PLEKHA6: variants seen among roughly 807,000 people sequenced by gnomAD.
PLEKHA6 encodes pleckstrin homology domain containing A6.
In PLEKHA6, 60 loss-of-function variants were observed where a neutral mutation model predicts 116.7. The ratio of observed to expected loss-of-function variants is 0.51; its 90% CI spans 0.42 to 0.64. The LOEUF (loss-of-function observed/expected upper bound fraction) is 0.64, where lower values mean the gene tolerates loss of function less well. PLEKHA6 is among the 30% of genes least tolerant of loss of function. PLEKHA6 has a pLI of 0.00. For missense variants in PLEKHA6, 1,338 were observed against 1,422.7 expected, an observed-to-expected ratio of 0.94 and a Z score of 0.96; for synonymous variants, 489 against 556.1, an observed-to-expected ratio of 0.88 and a Z score of 1.70.
chr1:204,271,447 A>G (rs1247461420), intron 3 of PLEKHA6, among the ~76,000 whole-genome samples: 2 of 152,238 alleles, frequency 1.3e-5, no homozygotes, highest in East Asian at 3.8e-4. Context: ...AAATAACATT[A>G]TTATCTGAAC....
chr1:204,289,761 A>G (rs535012306), intron 1 of PLEKHA6, among the ~76,000 whole-genome samples: 1 of 152,342 alleles, frequency 6.6e-6, no homozygotes, highest in Admixed American at 6.5e-5. Flanking sequence ...TTTTAGAGCC[A>G]TTGTAAATGT....
intron 4 of PLEKHA6, 118 bp downstream of exon 4, chr1:204,268,090 C>T: frequency 1.7e-6 from 1 of 573,236 alleles, no homozygotes. Flanking sequence ...GACTCATTCA[C>T]AGAGACAGCA....
At chr1:204,250,486 C>A (rs1447944437) in intron 10 of PLEKHA6, 60 bp downstream of exon 10, 2 of 1,161,220 alleles carry the variant, frequency 1.7e-6, no homozygotes, top group Non-Finnish European at 1.3e-6. Flanking sequence ...GACAGCCCCC[C>A]GCAGAGGACA....
chr1:204,342,968 C>T (rs1383630957), intron 1 of PLEKHA6, among the ~76,000 whole-genome samples: 2 of 152,280 alleles, frequency 1.3e-5, no homozygotes, highest in East Asian at 1.9e-4. Flanking sequence ...AAAAAGGACG[C>T]GACTGCATCA....
chr1:204,352,681 G>A (rs1272042696), intron 1 of PLEKHA6, among the ~76,000 whole-genome samples: 3 of 152,176 alleles, frequency 2.0e-5, no homozygotes, highest in African/African-American at 7.2e-5. Context: ...TTACAAGAGC[G>A]TGAGTTTAAA....
intron 2 of PLEKHA6, among the ~76,000 whole-genome samples, chr1:204,368,066 G>C (rs1673695186): frequency 6.6e-6 from 1 of 152,240 alleles, no homozygotes. Flanking sequence ...TGAGAGATAT[G>C]GGAGTGGACG....
rs961770811 is a variant in PLEKHA6 at position 204,277,482 on chromosome 1, G to C, written c.-94-2673C>G. ...TGGACGGGTGAAGGAGTCTGGGGCT[G>C]CATTCCCATCTGCACGGCTGAAACC... On this transcript the variant is annotated intron_variant, in intron 1 of 22. Coordinates refer to ENST00000272203, the MANE Select transcript of PLEKHA6 (RefSeq NM_014935.5). The surrounding 1 kb of genome is among the most constrained non-coding windows in gnomAD (Gnocchi z 4.1). The C allele has an allele frequency of 1.3e-5, 2 of 152,260 alleles. No individual in the cohort carries two copies. The highest frequency in any genetic ancestry group is 2.9e-5 in the Non-Finnish European group (2 of 68,110). 9.4% of individuals were successfully genotyped at this position (152,260 alleles called of 1,614,324 possible).
At chr1:204,235,299 C>G (rs372683927) in intron 17 of PLEKHA6, among the ~76,000 whole-genome samples, 4 of 152,050 alleles carry the variant, frequency 2.6e-5, no homozygotes, top group Non-Finnish European at 5.9e-5. Context: ...TCTTGATTCA[C>G]GGTTCATTGA....
At position 204,223,573 on chromosome 1, in the gene PLEKHA6, G is replaced by A. The variant is rs1191620540; in HGVS notation, c.3044C>T (p.Thr1015Ile). ...AGCAGGGGAGGTGGGAGGGCTTGGG[G>A]TGGCACATTGCACTGGAAACAGAAA... is the stretch of plus-strand genomic sequence containing the variant. The part of the protein sequence containing the change: ...RGRMLSVQCA[T>I]PSPPTSPASP... Residue 1015 changes from threonine to isoleucine, a missense_variant, in exon 22 of 23, where the codon ACC becomes ATC. This residue lies in a region of PLEKHA6 where 1,136 missense variants were observed against 1,163.6 expected (regional missense o/e 0.98). Transcript: ENST00000272203. This position sits in a 1 kb window ranked among gnomAD's most constrained non-coding sequence, Gnocchi z 4.8. 3 of 1,369,254 alleles carry A rather than the reference G, an allele frequency of 2.2e-6. No individual in the cohort carries two copies. Among genetic ancestry groups the A allele is most frequent in the East Asian group, 3.3e-5 (1 of 30,254 alleles). The allele number at this position is 1,369,254 out of a possible 1,614,324, so 84.8% of individuals were successfully genotyped here.
intron 1 of PLEKHA6, among the ~76,000 whole-genome samples, chr1:204,303,730 T>C (rs1246973894): frequency 1.3e-5 from 2 of 152,090 alleles, no homozygotes; most frequent in African/African-American, 4.8e-5. Flanking sequence ...GGGGTGGTGG[T>C]GAGACAAGAG....
intron 1 of PLEKHA6, among the ~76,000 whole-genome samples, chr1:204,298,642 T>G (rs1006550212): frequency 6.6e-6 from 1 of 152,136 alleles, no homozygotes; most frequent in Non-Finnish European, 1.5e-5. Flanking sequence ...CCCCTAGGCT[T>G]GGAGGTCCAA....
intron 3 of PLEKHA6, among the ~76,000 whole-genome samples, chr1:204,268,644 C>T (rs1667109334): frequency 6.6e-6 from 1 of 150,884 alleles, no homozygotes; most frequent in African/African-American, 2.4e-5. Context: ...ATCCTACTCC[C>T]AACCTCCTAC....
intron 1 of PLEKHA6, among the ~76,000 whole-genome samples, chr1:204,340,334 C>G (rs1273341536): frequency 6.6e-6 from 1 of 152,194 alleles, no homozygotes; most frequent in Admixed American, 6.5e-5. Context: ...TTGTCTCTCT[C>G]GTGCCTGCAA....
chr1:204,336,147 C>G (rs901223663), intron 1 of PLEKHA6, among the ~76,000 whole-genome samples: 1 of 152,174 alleles, frequency 6.6e-6, no homozygotes, highest in Non-Finnish European at 1.5e-5. Flanking sequence ...CATCCTAAAC[C>G]CTCATCACCA....
chr1:204,236,415 C>G (rs1257643924), intron 17 of PLEKHA6, among the ~76,000 whole-genome samples: 1 of 152,098 alleles, frequency 6.6e-6, no homozygotes. Flanking sequence ...TGGGAGGGTC[C>G]AGAAGATATA....
Position 204,223,007 on chromosome 1 carries a change from C to T in PLEKHA6, c.*9-228G>A, listed in dbSNP as rs1439610875. On this transcript the variant is annotated intron_variant, in intron 22 of 22. Coordinates refer to ENST00000272203, the MANE Select transcript of PLEKHA6 (RefSeq NM_014935.5). The surrounding 1 kb of genome is among the most constrained non-coding windows in gnomAD (Gnocchi z 4.8). ...CAAGGGAAGGGTTCACAGCCTTTGG[C>T]CGTAGTTGTCAATGTTATTTTAATT... Among the ~76,000 whole-genome samples, 2 of 152,166 alleles carry T rather than the reference C, an allele frequency of 1.3e-5. No individual in the cohort carries two copies. Among genetic ancestry groups the T allele is most frequent in the African/African-American group, 4.8e-5 (2 of 41,436 alleles).
chr1:204,241,307 A>T, intron 17 of PLEKHA6, 68 bp downstream of exon 17: 1 of 910,914 alleles, frequency 1.1e-6, no homozygotes, highest in Non-Finnish European at 1.8e-6. Flanking sequence ...GGAGATGAGT[A>T]GGTACACACA....
chr1:204,257,206 G>A lies in PLEKHA6; in HGVS notation c.1524+147C>T, dbSNP rs991411792. The A allele has an allele frequency of 3.9e-5, 30 of 764,132 alleles. No homozygotes were observed. Among genetic ancestry groups the A allele is most frequent in the Middle Eastern group, 3.8e-4 (1 of 2,640 alleles). The allele number at this position is 764,132 out of a possible 1,614,324, so 47.3% of individuals were successfully genotyped here. On this transcript the variant is annotated intron_variant, in intron 9 of 22. Coordinates refer to ENST00000272203, the MANE Select transcript of PLEKHA6 (RefSeq NM_014935.5). This position sits in a 1 kb window ranked among gnomAD's most constrained non-coding sequence, Gnocchi z 6.5. ...GACAGAACCACAGGCCAGGGGCTCC[G>A]CTGGGCAGCACTGCTGGTCCTGCAG...
intron 1 of PLEKHA6, among the ~76,000 whole-genome samples, chr1:204,318,942 G>C (rs977707746): frequency 6.6e-6 from 1 of 152,154 alleles, no homozygotes; most frequent in Non-Finnish European, 1.5e-5. Flanking sequence ...GAAGGTTTCC[G>C]GTCCAGTAAA....
Sources: gnomAD v4.1 joint callset for allele counts (sites outside exome capture counted in the v4.1 genomes callset) on GRCh38, gnomAD v4.1.1 for gene constraint, gnomAD v4.1.1 regional missense constraint, Gnocchi (gnomAD v3.1) non-coding constraint, MANE v1.5 for transcripts, NCBI Gene and HGNC (gene_info 2026-07-23, HGNC 2026-07-21) for gene names.